The following RABGAP1L variants were observed in gnomAD, a reference collection of about 807,000 sequenced individuals.
The protein encoded by RABGAP1L is RAB GTPase activating protein 1 like, also known as rab GTPase-activating protein 1-like.
RABGAP1L carries 63 observed loss-of-function variants against 137.7 expected under a neutral mutation model. The observed-to-expected ratio is 0.46, with a 90% confidence interval of 0.37 to 0.56. The LOEUF (loss-of-function observed/expected upper bound fraction) is 0.56, where lower values mean the gene tolerates loss of function less well. RABGAP1L is among the 20% of genes least tolerant of loss of function. The pLI, the probability that RABGAP1L is intolerant of heterozygous loss-of-function variation, is 0.00. For synonymous variants in RABGAP1L, 431 were observed against 433.7 expected (o/e 0.99, Z 0.08); for missense variants, 1,095 against 1,244.0 (o/e 0.88, Z 1.80).
intron 13 of RABGAP1L, among the ~76,000 whole-genome samples, chr1:174,461,772 G>A (rs987317209): frequency 1.8e-4 from 28 of 152,184 alleles, no homozygotes; most frequent in African/African-American, 6.0e-4. Context: ...AGAGTTGAAC[G>A]ATGATTTAAT....
intron 18 of RABGAP1L, among the ~76,000 whole-genome samples, chr1:174,810,405 A>G (rs1689753298): frequency 6.6e-6 from 1 of 152,216 alleles, no homozygotes; most frequent in Non-Finnish European, 1.5e-5. Flanking sequence ...AGATGTTGCT[A>G]GGATTGGACT....
At chr1:174,575,134 TAGTC>T (rs1398262917) in intron 13 of RABGAP1L, among the ~76,000 whole-genome samples, 5 of 152,110 alleles carry the variant, frequency 3.3e-5, no homozygotes, top group Non-Finnish European at 5.9e-5. Flanking sequence ...TTCTCCATGT[TAGTC>T]AGGCTGGTCG....
At chr1:174,219,373 A>T in intron 2 of RABGAP1L, 78 bp downstream of exon 2, 1 of 1,035,680 alleles carries the variant, frequency 9.7e-7, no homozygotes, top group East Asian at 3.1e-5. Flanking sequence ...TAAAATGCAA[A>T]GGTTTTTCTC....
chr1:174,718,836 CCT>C (rs1491315709), intron 17 of RABGAP1L, among the ~76,000 whole-genome samples: 5 of 102,384 alleles, frequency 4.9e-5, no homozygotes, highest in African/African-American at 1.5e-4. Context: ...CTTTTCTTTT[CCT>C]TTTTTTTTTT....
chr1:174,213,132 C>A (rs1669025951), intron 1 of RABGAP1L, among the ~76,000 whole-genome samples: 1 of 152,088 alleles, frequency 6.6e-6, no homozygotes, highest in Admixed American at 6.6e-5. Flanking sequence ...CAAATATATT[C>A]AAACTATTCC....
intron 11 of RABGAP1L, among the ~76,000 whole-genome samples, chr1:174,329,016 A>C (rs1680790588): frequency 6.7e-6 from 1 of 150,124 alleles, no homozygotes; most frequent in South Asian, 2.1e-4. Flanking sequence ...AGCAAATATA[A>C]ATGAAATAAA....
At chr1:174,355,466 G>A (rs1240176811) in intron 11 of RABGAP1L, among the ~76,000 whole-genome samples, 1 of 133,390 alleles carries the variant, frequency 7.5e-6, no homozygotes, top group Non-Finnish European at 1.5e-5. Context: ...ACTGTTGTGG[G>A]GTGGGGGGAG....
intron 17 of RABGAP1L, among the ~76,000 whole-genome samples, chr1:174,752,043 G>C (rs1474012126): frequency 6.6e-6 from 1 of 151,940 alleles, no homozygotes; most frequent in Non-Finnish European, 1.5e-5. Context: ...ACAAGACTTA[G>C]GCACATGCAA....
chr1:174,641,051 A>T (rs1397701382), intron 14 of RABGAP1L, among the ~76,000 whole-genome samples: 1 of 150,494 alleles, frequency 6.6e-6, no homozygotes, highest in Non-Finnish European at 1.5e-5. Flanking sequence ...GTACTTTGAC[A>T]TATATTACCT....
intron 14 of RABGAP1L, among the ~76,000 whole-genome samples, chr1:174,673,056 C>T (rs185092494): frequency 2.0e-4 from 31 of 152,220 alleles, no homozygotes; most frequent in Admixed American, 2.0e-3. Flanking sequence ...ACTTCCAACC[C>T]CTAATACATA....
At chr1:174,289,879 T>C (rs1571934630) in intron 10 of RABGAP1L, among the ~76,000 whole-genome samples, 1 of 152,078 alleles carries the variant, frequency 6.6e-6, no homozygotes, top group Non-Finnish European at 1.5e-5. Context: ...TTAGGCGGGG[T>C]TGCTGGCTGG....
chr1:174,242,407 A>T (rs1671902728), intron 5 of RABGAP1L, among the ~76,000 whole-genome samples: 1 of 152,212 alleles, frequency 6.6e-6, no homozygotes, highest in South Asian at 2.1e-4. Flanking sequence ...GGCATTCATA[A>T]ATGGGTGTGG....
intron 17 of RABGAP1L, among the ~76,000 whole-genome samples, chr1:174,746,008 G>A (rs1683833800): frequency 6.6e-6 from 1 of 152,132 alleles, no homozygotes; most frequent in Middle Eastern, 3.2e-3. Context: ...TGCACACTTG[G>A]TACTTTTTGA....
At chr1:174,284,921 T>C (rs543677537) in intron 10 of RABGAP1L, among the ~76,000 whole-genome samples, 1 of 152,204 alleles carries the variant, frequency 6.6e-6, no homozygotes, top group African/African-American at 2.4e-5. Flanking sequence ...TTGGATAGTA[T>C]GGACATTTCA....
intron 18 of RABGAP1L, among the ~76,000 whole-genome samples, chr1:174,800,855 A>C (rs758663298): frequency 1.3e-5 from 2 of 152,126 alleles, no homozygotes; most frequent in South Asian, 2.1e-4. Context: ...CAAAGGGTTA[A>C]ATTTTACAAC....
At chr1:174,946,916 AAATAT>A (rs1388763424) in intron 19 of RABGAP1L, among the ~76,000 whole-genome samples, 505 of 49,958 alleles carry the variant, frequency 0.01, 13 homozygotes, top group Non-Finnish European at 0.014. Flanking sequence ...AAAAAAAAAA[AAATAT>A]ATATATATAT....
At chr1:174,713,506 T>C (rs565295960) in intron 17 of RABGAP1L, among the ~76,000 whole-genome samples, 1 of 152,288 alleles carries the variant, frequency 6.6e-6, no homozygotes, top group East Asian at 1.9e-4. Context: ...TGAGTTCTTA[T>C]TCTGAGTTCA....
In RABGAP1L at chr1:174,436,721, G is replaced by A. The variant is rs143130078; in HGVS notation, c.1710+42576G>A. Reference sequence around the variant, plus strand: ...TTGCTTTTGGTGTTTTAGACATGAAGTCCTTGTCCATGCCTATGCTTGAGA... The same window carrying A: ...TTGCTTTTGGTGTTTTAGACATGAAATCCTTGTCCATGCCTATGCTTGAGA... On this transcript the variant is annotated intron_variant, in intron 13 of 25. Coordinates refer to ENST00000681986, the MANE Select transcript of RABGAP1L (RefSeq NM_001366446.1). 9.4e-3 allele frequency among the ~76,000 whole-genome samples: 1,427 copies of A among 152,204 alleles called. 24 individuals carry two copies. The highest frequency in any genetic ancestry group is 0.032 in the African/African-American group (1,322 of 41,528).
intron 19 of RABGAP1L, among the ~76,000 whole-genome samples, chr1:174,818,039 A>G (rs1371005628): frequency 1.3e-5 from 2 of 152,244 alleles, no homozygotes; most frequent in East Asian, 3.8e-4. Context: ...TTCGTGGTAC[A>G]TATCCACAAC....
Sources: allele counts gnomAD v4.1 joint callset (sites outside exome capture counted in the v4.1 genomes callset), GRCh38; gene constraint gnomAD v4.1.1; transcripts MANE v1.5; gene names NCBI Gene and HGNC (gene_info 2026-07-23, HGNC 2026-07-21).